Variants in KLF8 observed in about 807,000 individuals in gnomAD.
KLF8 encodes the protein KLF transcription factor 8.
KLF8 carries 10 observed loss-of-function variants against 18.2 expected under a neutral mutation model. The ratio of observed to expected loss-of-function variants is 0.55; its 90% CI spans 0.34 to 0.93. The LOEUF (loss-of-function observed/expected upper bound fraction) is 0.93. KLF8 is among the 40% of genes least tolerant of loss of function. KLF8 has a pLI of 0.02. For synonymous variants in KLF8, 109 were observed against 97.3 expected (o/e 1.12, Z -0.71); for missense variants, 264 against 277.9 (o/e 0.95, Z 0.36).
At chrX:55,995,586 TATCCTTATTATTTGC>T in the KLF8 span, among the ~76,000 whole-genome samples, 1 of 112,281 alleles carries the variant, frequency 8.9e-6, no homozygotes, top group African/African-American at 3.2e-5. Context: ...TGGTCACAAA[TATCCTTATTATTTGC>T]TTTTCTGAAT....
At chrX:56,221,090 C>T in the KLF8 span, among the ~76,000 whole-genome samples, 1 of 111,932 alleles carries the variant, frequency 8.9e-6, no homozygotes, top group South Asian at 3.7e-4. Context: ...GCATAATAAG[C>T]CATATTGATT....
the KLF8 span, among the ~76,000 whole-genome samples, chrX:56,210,806 G>A: frequency 9.2e-6 from 1 of 108,273 alleles, no homozygotes; most frequent in Admixed American, 1.0e-4. Context: ...TCTGCTTGAT[G>A]AATTTTGCAA....
intron 1 of KLF8, among the ~76,000 whole-genome samples, chrX:56,245,617 C>G (rs914654783): frequency 8.9e-6 from 1 of 111,907 alleles, no homozygotes; most frequent in African/African-American, 3.3e-5. Flanking sequence ...GAAAGTCCAG[C>G]TTGTAGACAC....
chrX:55,989,746 T>A, the KLF8 span, among the ~76,000 whole-genome samples: 6 of 112,128 alleles, frequency 5.4e-5, no homozygotes, highest in Non-Finnish European at 7.5e-5. Context: ...TTCCCTCTTT[T>A]TCAATTGATT....
chrX:55,988,766 G>A, the KLF8 span, among the ~76,000 whole-genome samples: 1 of 111,495 alleles, frequency 9.0e-6, no homozygotes, highest in Admixed American at 9.5e-5. Flanking sequence ...GATGGGGATG[G>A]CATTGAATCT....
chrX:55,927,164 GT>G, the KLF8 span, among the ~76,000 whole-genome samples: 1 of 111,988 alleles, frequency 8.9e-6, no homozygotes, highest in Non-Finnish European at 1.9e-5. Flanking sequence ...AGATTTCTCA[GT>G]TTTGGCATTA....
chrX:55,970,838 A>T, the KLF8 span, among the ~76,000 whole-genome samples: 1 of 111,124 alleles, frequency 9.0e-6, no homozygotes. Context: ...TTTTAAACCT[A>T]GGAATTAATC....
At chrX:56,037,957 C>T in the KLF8 span, among the ~76,000 whole-genome samples, 4 of 111,598 alleles carry the variant, frequency 3.6e-5, no homozygotes, top group African/African-American at 9.8e-5. Context: ...ACCATCCCAC[C>T]TCCCCACCAC....
At chrX:56,270,381 C>CACACACGAGAGAGAGA in intron 5 of KLF8, 60 bp downstream of exon 5, 1 of 779,219 alleles carries the variant, frequency 1.3e-6, no homozygotes. Flanking sequence ...CACACACACA[C>CACACACGAGAGAGAGA]GAGAGAGAGA....
At chrX:56,121,055 G>A in the KLF8 span, among the ~76,000 whole-genome samples, 201 of 109,255 alleles carry the variant, frequency 1.8e-3, no homozygotes, top group African/African-American at 6.4e-3. Context: ...ACGTGGTGGC[G>A]GGCACCTGTA....
At chrX:56,094,106 C>T in the KLF8 span, among the ~76,000 whole-genome samples, 1 of 109,720 alleles carries the variant, frequency 9.1e-6, no homozygotes, top group African/African-American at 3.3e-5. Flanking sequence ...AATATTGGTC[C>T]AACTACATTA....
At chrX:56,088,344 G>T in the KLF8 span, among the ~76,000 whole-genome samples, 29 of 110,503 alleles carry the variant, frequency 2.6e-4, no homozygotes, top group African/African-American at 9.4e-4. Flanking sequence ...CTATTATAAA[G>T]GAGGTGTGAA....
At chrX:55,917,790 G>A in the KLF8 span, among the ~76,000 whole-genome samples, 2 of 111,965 alleles carry the variant, frequency 1.8e-5, no homozygotes, top group African/African-American at 6.5e-5. Context: ...AGATTATTTT[G>A]TTGACTCTTC....
chrX:56,023,064 G>A, the KLF8 span, among the ~76,000 whole-genome samples: 3 of 111,052 alleles, frequency 2.7e-5, no homozygotes, highest in Non-Finnish European at 3.8e-5. Flanking sequence ...TGTGTTAATG[G>A]GCATGCAATA....
chrX:55,969,490 G>T, the KLF8 span, among the ~76,000 whole-genome samples: 3 of 111,335 alleles, frequency 2.7e-5, no homozygotes, highest in African/African-American at 9.8e-5. Context: ...AAGCCACTAT[G>T]TGAAAAAAAG....
chrX:56,058,358 A>G, the KLF8 span, among the ~76,000 whole-genome samples: 1 of 84,844 alleles, frequency 1.2e-5, no homozygotes, highest in Non-Finnish European at 2.3e-5. Flanking sequence ...TTTTATATAT[A>G]CTTTAAGTTC....
chrX:56,161,647 G>A, the KLF8 span, among the ~76,000 whole-genome samples: 1 of 111,243 alleles, frequency 9.0e-6, no homozygotes, highest in African/African-American at 3.3e-5. Context: ...CTCTGCATTG[G>A]TTATTCTAAT....
the KLF8 span, among the ~76,000 whole-genome samples, chrX:56,180,884 A>T: frequency 8.9e-6 from 1 of 111,904 alleles, no homozygotes; most frequent in Non-Finnish European, 1.9e-5. Flanking sequence ...ACTTCCAACT[A>T]TGTGGTCAAT....
At chrX:56,137,496 A>G in the KLF8 span, among the ~76,000 whole-genome samples, 1 of 106,261 alleles carries the variant, frequency 9.4e-6, no homozygotes, top group African/African-American at 3.5e-5. Context: ...TCAGTAAACT[A>G]TCGCAAGAAC....
Sources: gnomAD v4.1 joint callset for allele counts (sites outside exome capture counted in the v4.1 genomes callset) on GRCh38, gnomAD v4.1.1 for gene constraint, MANE v1.5 for transcripts, NCBI Gene and HGNC (gene_info 2026-07-23, HGNC 2026-07-21) for gene names.